Variants in PCDH15 observed in about 807,000 individuals in gnomAD.
PCDH15 encodes the protein protocadherin-15.
Under a neutral mutation model 178.5 loss-of-function variants are expected in PCDH15, and 129 were observed. The observed-to-expected ratio is 0.72, with a 90% CI of 0.63 to 0.84. PCDH15 has a LOEUF of 0.84. Ranked by LOEUF, PCDH15 falls within the 40% of genes least tolerant of loss-of-function variation. The pLI, the probability that PCDH15 is intolerant of heterozygous loss-of-function variation, is 0.00. For synonymous variants in PCDH15, 800 were observed against 732.0 expected (o/e 1.09, Z -1.50); for missense variants, 2,230 against 2,099.9 (o/e 1.06, Z -1.21).
chr10:54,342,286 T>G (rs539518631), intron 6 of PCDH15, among the ~76,000 whole-genome samples: 49 of 152,186 alleles, frequency 3.2e-4, no homozygotes, highest in Admixed American at 1.2e-3. Flanking sequence ...CACTGCTCTG[T>G]GCAGCCTTAG....
chr10:54,059,679 A>T (rs577290908), intron 18 of PCDH15, among the ~76,000 whole-genome samples: 1 of 152,246 alleles, frequency 6.6e-6, no homozygotes, highest in South Asian at 2.1e-4. Flanking sequence ...ATTGGTGCTG[A>T]TGCTGATGCT....
intron 11 of PCDH15, among the ~76,000 whole-genome samples, chr10:54,190,951 TA>T (rs1216137421): frequency 6.6e-6 from 1 of 152,142 alleles, no homozygotes; most frequent in Non-Finnish European, 1.5e-5. Flanking sequence ...TAAGGAATAA[TA>T]GATGAATTAA....
At chr10:54,638,238 TG>T (rs1297377926) in intron 2 of PCDH15, among the ~76,000 whole-genome samples, 2 of 152,148 alleles carry the variant, frequency 1.3e-5, no homozygotes, top group African/African-American at 4.8e-5. Context: ...GAGACTGGAT[TG>T]GGGTACCAAT....
At chr10:55,426,057 C>G (rs114084594) in intron 2 of PCDH15, among the ~76,000 whole-genome samples, 1,765 of 152,194 alleles carry the variant, frequency 0.012, 35 homozygotes, top group African/African-American at 0.041. Flanking sequence ...TTCACTTTTT[C>G]AAGAAGTATA....
intron 28 of PCDH15, among the ~76,000 whole-genome samples, chr10:53,847,975 T>C (rs921529291): frequency 6.6e-6 from 1 of 152,092 alleles, no homozygotes; most frequent in African/African-American, 2.4e-5. Flanking sequence ...TAAAATATAA[T>C]TTATGACTTT....
At chr10:54,194,701 T>A (rs943132484) in intron 11 of PCDH15, among the ~76,000 whole-genome samples, 7 of 151,554 alleles carry the variant, frequency 4.6e-5, no homozygotes, top group Admixed American at 1.3e-4. Flanking sequence ...TATCTGTATG[T>A]GTATGTATAC....
chr10:53,999,704 C>T (rs944949526), intron 20 of PCDH15, among the ~76,000 whole-genome samples: 2 of 152,118 alleles, frequency 1.3e-5, no homozygotes, highest in African/African-American at 4.8e-5. Flanking sequence ...TACACAAGAA[C>T]ACAAGGTAGA....
Position 54,780,683 on chromosome 10 carries a change from T to C in PCDH15, c.-29+20242A>G, listed in dbSNP as rs999724036. Among the ~76,000 whole-genome samples, 12 of 144,074 alleles carry C rather than the reference T, an allele frequency of 8.3e-5. No individual in the cohort carries two copies. The Admixed American group carries it at 8.8e-4, about 11-fold the overall frequency. 94.5% of individuals were successfully genotyped at this position (144,074 alleles called of 152,430 possible). A position where few individuals can be genotyped will look rare whatever the true frequency, so the allele number is the denominator to read the frequency against. ...GCTCCACACATCAGGATTTGAGGTA[T>C]GAATAAAAATGAGGCATTTTTACAC... On this transcript the variant is annotated intron_variant, in intron 1 of 37. Transcript: ENST00000644397.
chr10:55,200,811 C>T (rs541443443), intron 1 of PCDH15, among the ~76,000 whole-genome samples: 2 of 152,148 alleles, frequency 1.3e-5, no homozygotes, highest in African/African-American at 4.8e-5. Context: ...CTCTCCACTT[C>T]ACTCTCTCTC....
Position 53,995,938 on chromosome 10 carries a change from G to A in PCDH15, c.2752-173C>T, listed in dbSNP as rs41274628. ...TGGCACCTCAGAGGAAACTGCCAGA[G>A]TTCTCATACAATATTAATGTGTGGA... On this transcript the variant is annotated intron_variant, in intron 20 of 37. Transcript: ENST00000644397. Among the ~76,000 whole-genome samples the A allele has an allele frequency of 1.4e-3, 208 of 152,170 alleles. 2 individuals carry two copies. The highest frequency in any genetic ancestry group is 3.4e-3 in the Middle Eastern group (1 of 292).
rs564974474 is a variant in PCDH15 at position 54,775,395 on chromosome 10, G to A, written c.-29+25530C>T. ...GTTATACATGTTTATGGAGTACATA[G>A]TGATGTTTAGATACACACAACGTAT... On this transcript the variant is annotated intron_variant, in intron 1 of 37. Coordinates refer to ENST00000644397, the MANE Select transcript of PCDH15 (RefSeq NM_001384140.1). Among the ~76,000 whole-genome samples, 5 of 152,208 alleles carry A rather than the reference G, an allele frequency of 3.3e-5. No individual in the cohort carries two copies. In the South Asian group the frequency reaches 1.0e-3, roughly 32 times the overall value.
chr10:55,199,428 A>G (rs951419162), intron 1 of PCDH15, among the ~76,000 whole-genome samples: 5 of 152,108 alleles, frequency 3.3e-5, no homozygotes, highest in Admixed American at 2.0e-4. Context: ...CTGGTTGCTT[A>G]TAAAAGCCAA....
intron 18 of PCDH15, among the ~76,000 whole-genome samples, chr10:54,043,015 C>T (rs1411233565): frequency 6.6e-6 from 1 of 152,006 alleles, no homozygotes; most frequent in Non-Finnish European, 1.5e-5. Context: ...TGCTAATTTG[C>T]TAGCCAAATG....
At chr10:54,808,101 T>C (rs574247561) in intron 3 of PCDH15, among the ~76,000 whole-genome samples, 1 of 152,296 alleles carries the variant, frequency 6.6e-6, no homozygotes, top group African/African-American at 2.4e-5. Flanking sequence ...TTAGATAAAA[T>C]GAGACAAATC....
At chr10:55,271,957 C>T (rs1339104250) in intron 1 of PCDH15, among the ~76,000 whole-genome samples, 3 of 152,038 alleles carry the variant, frequency 2.0e-5, no homozygotes, top group Non-Finnish European at 4.4e-5. Context: ...ACAGGAGTGA[C>T]ATATGGTATT....
chr10:55,258,824 C>T (rs1201918427), intron 1 of PCDH15, among the ~76,000 whole-genome samples: 7 of 126,444 alleles, frequency 5.5e-5, no homozygotes, highest in African/African-American at 2.1e-4. Flanking sequence ...TTGAAACTTA[C>T]ATTTGTTTTA....
chr10:54,598,989 T>TAA (rs1298092925), intron 2 of PCDH15, among the ~76,000 whole-genome samples: 2 of 148,130 alleles, frequency 1.4e-5, no homozygotes, highest in African/African-American at 5.0e-5. Context: ...AGAAATAAAT[T>TAA]TAAAAAAAAA....
At chr10:54,627,098 T>C (rs11004420) in intron 2 of PCDH15, among the ~76,000 whole-genome samples, 83,106 of 152,050 alleles carry the variant, frequency 0.55, 22,742 homozygotes, top group Non-Finnish European at 0.57. Context: ...CGACTGTATC[T>C]GCATTGTATC....
intron 18 of PCDH15, among the ~76,000 whole-genome samples, chr10:54,048,108 G>C (rs1007098099): frequency 4.6e-5 from 7 of 152,038 alleles, no homozygotes; most frequent in African/African-American, 1.7e-4. Context: ...ATTTTGACTG[G>C]TGTGAGATGG....
Sources: allele counts gnomAD v4.1 joint callset (sites outside exome capture counted in the v4.1 genomes callset), GRCh38; gene constraint gnomAD v4.1.1; transcripts MANE v1.5; gene names NCBI Gene and HGNC (gene_info 2026-07-23, HGNC 2026-07-21).